The following NRF1 variants were observed in gnomAD, a reference collection of about 807,000 sequenced individuals.
NRF1 encodes nuclear respiratory factor 1, also known as alpha palindromic-binding protein.
In NRF1, 5 loss-of-function variants were observed where a neutral mutation model predicts 58.5. The ratio of observed to expected loss-of-function variants is 0.09; its 90% confidence interval spans 0.04 to 0.18. The LOEUF (loss-of-function observed/expected upper bound fraction) is 0.18. Ranked by LOEUF, NRF1 falls within the 10% of genes least tolerant of loss-of-function variation. NRF1 has a pLI of 1.00. For missense variants in NRF1, 288 were observed against 657.7 expected (o/e 0.44, Z 6.15); for synonymous variants, 224 against 246.7 (o/e 0.91, Z 0.86).
intron 1 of NRF1, among the ~76,000 whole-genome samples, chr7:129,637,266 A>G (rs1035592228): frequency 6.7e-6 from 1 of 150,346 alleles, no homozygotes; most frequent in Non-Finnish European, 1.5e-5. Context: ...AAAAAAAAAA[A>G]GAAGAAGAAG....
intron 1 of NRF1, among the ~76,000 whole-genome samples, chr7:129,644,422 A>T (rs1801361231): frequency 6.6e-6 from 1 of 152,210 alleles, no homozygotes. Context: ...AATTGTATGA[A>T]CCCACTCTAT....
chr7:129,705,676 G>A (rs1802931994), intron 5 of NRF1, among the ~76,000 whole-genome samples: 2 of 152,278 alleles, frequency 1.3e-5, no homozygotes, highest in South Asian at 2.1e-4. Flanking sequence ...AGCACTTTGG[G>A]TGGTTGAGGC....
intron 10 of NRF1, chr7:129,744,130 CTT>C (rs35034726): frequency 0.049 from 56,976 of 1,163,508 alleles, no homozygotes; most frequent in East Asian, 0.059. Flanking sequence ...TTGCCCGGTG[CTT>C]TTTTTTTTTT....
chr7:129,703,783 C>T (rs1237775971), intron 5 of NRF1, among the ~76,000 whole-genome samples: 3 of 152,110 alleles, frequency 2.0e-5, no homozygotes, highest in Non-Finnish European at 4.4e-5. Context: ...ACTTGTATGC[C>T]AGCAGCTGAT....
At chr7:129,735,316 G>C in intron 10 of NRF1, 1 of 807,872 alleles carries the variant, frequency 1.2e-6, no homozygotes, top group Non-Finnish European at 1.5e-6. Flanking sequence ...CGGATCACAA[G>C]GTCAGGAGTT....
At chr7:129,744,116 C>T in intron 10 of NRF1, 1 of 1,470,756 alleles carries the variant, frequency 6.8e-7, no homozygotes, top group Non-Finnish European at 9.1e-7. Context: ...GCTGGTGGCC[C>T]ATCTTGCCCG....
At chr7:129,670,997 T>C (rs1802035726) in intron 2 of NRF1, among the ~76,000 whole-genome samples, 1 of 152,042 alleles carries the variant, frequency 6.6e-6, no homozygotes, top group Admixed American at 6.5e-5. Flanking sequence ...GGCATTGTCT[T>C]GGAGTAATGG....
Position 129,709,131 on chromosome 7 carries a change from A to G in NRF1, c.663A>G (p.Lys221=). The change falls in exon 6 of 11, where the codon AAA becomes AAG. Residue 221 remains lysine, a synonymous_variant. Coordinates refer to ENST00000393232, the MANE Select transcript of NRF1 (RefSeq NM_005011.5). The stretch of plus-strand genomic sequence containing the variant: ...TCAAGTACTCTACAGGTCGGGGAAA[A>G]CCAGGCTGGGGGAAAGAAAGCTGCA... ...EMLKYSTGRG[K]PGWGKESCKP... The G allele has an allele frequency of 6.3e-7, 1 of 1,598,382 alleles. No homozygotes were observed. The highest frequency in any genetic ancestry group is 8.5e-7 in the Non-Finnish European group (1 of 1,171,662).
intron 1 of NRF1, among the ~76,000 whole-genome samples, chr7:129,651,958 C>T (rs1186974929): frequency 6.6e-6 from 1 of 152,164 alleles, no homozygotes; most frequent in East Asian, 1.9e-4. Flanking sequence ...ACAAAGAATT[C>T]TCATGTACCC....
intron 1 of NRF1, among the ~76,000 whole-genome samples, chr7:129,631,808 A>G (rs746877488): frequency 1.3e-5 from 2 of 152,230 alleles, no homozygotes; most frequent in Non-Finnish European, 2.9e-5. Context: ...CATATTCAAA[A>G]TAATGTATAT....
rs184142114 is a variant in NRF1, at chr7:129,621,432, A to G, written c.-7+9608A>G. ...TGTGGATGATCTTTACATTCAGTAA[A>G]TCTCCAAAGAGGGCCCAGATAGAAT... On this transcript the variant is annotated intron_variant, in intron 1 of 10. Coordinates refer to ENST00000393232, the MANE Select transcript of NRF1 (RefSeq NM_005011.5). Among the ~76,000 whole-genome samples the G allele has an allele frequency of 2.0e-5, 3 of 152,312 alleles. 1 individual carries two copies. Among genetic ancestry groups the G allele is most frequent in the Admixed American group, 2.0e-4 (3 of 15,288 alleles).
chr7:129,747,426 A>G (rs1804002797), intron 10 of NRF1, among the ~76,000 whole-genome samples: 1 of 152,234 alleles, frequency 6.6e-6, no homozygotes, highest in Non-Finnish European at 1.5e-5. Context: ...CACTGCTGAA[A>G]GGAGATCTGT....
At chr7:129,665,656 C>T (rs1483652343) in intron 2 of NRF1, among the ~76,000 whole-genome samples, 1 of 152,102 alleles carries the variant, frequency 6.6e-6, no homozygotes, top group African/African-American at 2.4e-5. Flanking sequence ...CAGGGTTTCA[C>T]TCTGTTGTCC....
intron 10 of NRF1, among the ~76,000 whole-genome samples, chr7:129,738,225 G>A (rs1237150048): frequency 6.6e-5 from 10 of 152,194 alleles, no homozygotes; most frequent in African/African-American, 2.4e-4. Flanking sequence ...GGGGAGGAGG[G>A]GATAGTCCTA....
At chr7:129,647,856 T>C (rs1801444802) in intron 1 of NRF1, among the ~76,000 whole-genome samples, 1 of 152,266 alleles carries the variant, frequency 6.6e-6, no homozygotes, top group Admixed American at 6.5e-5. Flanking sequence ...TAGGAGTTTG[T>C]CTTCCTCAAG....
intron 2 of NRF1, among the ~76,000 whole-genome samples, chr7:129,664,896 A>G (rs143751640): frequency 1.3e-5 from 2 of 152,332 alleles, no homozygotes; most frequent in Non-Finnish European, 2.9e-5. Context: ...CGAAAGGCTT[A>G]TTGGGGGGAG....
At chr7:129,735,663 A>G (rs1803690556) in intron 10 of NRF1, among the ~76,000 whole-genome samples, 1 of 151,930 alleles carries the variant, frequency 6.6e-6, no homozygotes, top group Non-Finnish European at 1.5e-5. Flanking sequence ...TGGTCCTGGC[A>G]ACAGTCTTGC....
chr7:129,614,524 C>T (rs1291961537), intron 1 of NRF1, among the ~76,000 whole-genome samples: 1 of 149,384 alleles, frequency 6.7e-6, no homozygotes, highest in Non-Finnish European at 1.5e-5. Context: ...GCTATGTTGC[C>T]TAAGCTGGCC....
chr7:129,673,716 C>CAAAAA (rs542854064), intron 3 of NRF1, among the ~76,000 whole-genome samples: 1 of 99,088 alleles, frequency 1.0e-5, no homozygotes, highest in Non-Finnish European at 1.9e-5. Context: ...GACTCCGTCT[C>CAAAAA]AAAAAAAAAA....
Sources: allele counts gnomAD v4.1 joint callset (sites outside exome capture counted in the v4.1 genomes callset), GRCh38; gene constraint gnomAD v4.1.1; transcripts MANE v1.5; gene names NCBI Gene and HGNC (gene_info 2026-07-23, HGNC 2026-07-21).